The following SECISBP2L variants were observed in gnomAD, a reference collection of about 807,000 sequenced individuals.
SECISBP2L encodes the protein selenocysteine insertion sequence-binding protein 2-like.
In SECISBP2L, 43 loss-of-function variants were observed where a neutral mutation model predicts 114.7. The observed-to-expected ratio is 0.38, with a 90% CI of 0.29 to 0.48. The LOEUF is 0.48. Among genes scored for constraint, SECISBP2L ranks in the 20% least tolerant of loss-of-function variants. The pLI is 0.98. For synonymous variants in SECISBP2L, 451 were observed against 439.7 expected, an observed-to-expected ratio of 1.03 and a Z score of -0.32; for missense variants, 1,136 against 1,301.1, an observed-to-expected ratio of 0.87 and a Z score of 1.95.
At chr15:49,004,275 C>T (rs540515659) in intron 14 of SECISBP2L, among the ~76,000 whole-genome samples, 10 of 152,240 alleles carry the variant, frequency 6.6e-5, no homozygotes, top group African/African-American at 2.4e-4. Flanking sequence ...TCTGTGGGAT[C>T]AGTTGTGATC....
chr15:49,008,418 CT>C (rs886581517), intron 14 of SECISBP2L, among the ~76,000 whole-genome samples: 2 of 152,264 alleles, frequency 1.3e-5, no homozygotes. Context: ...TTTCTTCATT[CT>C]TTTTTTCCCT....
At chr15:49,034,724 G>C (rs1042227271) in intron 3 of SECISBP2L, among the ~76,000 whole-genome samples, 1 of 145,320 alleles carries the variant, frequency 6.9e-6, no homozygotes, top group Non-Finnish European at 1.5e-5. Context: ...GAGTGTAGTG[G>C]TGCTATCTCA....
At chr15:49,017,040 T>G (rs1481033490) in intron 9 of SECISBP2L, 25 bp from the exon 10 acceptor site, 1 of 1,603,656 alleles carries the variant, frequency 6.2e-7, no homozygotes, top group East Asian at 2.2e-5. Context: ...AAAAACACAT[T>G]TGTTAGTGAT....
At chr15:49,042,648 T>C (rs758613941) in intron 1 of SECISBP2L, 14 of 152,212 alleles carry the variant, frequency 9.2e-5, no homozygotes, top group Non-Finnish European at 1.6e-4. Context: ...CTGGGCCCCA[T>C]AGGTTTTTCA....
chr15:49,023,446 G>T (rs1391088306), intron 7 of SECISBP2L, among the ~76,000 whole-genome samples: 1 of 152,142 alleles, frequency 6.6e-6, no homozygotes, highest in African/African-American at 2.4e-5. Flanking sequence ...ATGAAACTAG[G>T]CACTTTCCAC....
chr15:49,040,167 T>A (rs1222885680), intron 1 of SECISBP2L, among the ~76,000 whole-genome samples: 1 of 152,206 alleles, frequency 6.6e-6, no homozygotes, highest in Non-Finnish European at 1.5e-5. Flanking sequence ...AAAGGTATTA[T>A]GTATAATTCA....
At chr15:49,025,273 G>T (rs1902717751) in intron 7 of SECISBP2L, among the ~76,000 whole-genome samples, 1 of 152,070 alleles carries the variant, frequency 6.6e-6, no homozygotes, top group Non-Finnish European at 1.5e-5. Context: ...AGGTACATAT[G>T]AAGTACAGGT....
Position 49,012,768 on chromosome 15 carries a change from A to C in SECISBP2L, c.1611T>G (p.Pro537=). The C allele has an allele frequency of 6.2e-7, 1 of 1,613,952 alleles. No individual in the cohort carries two copies. The highest frequency in any genetic ancestry group is 1.3e-5 in the African/African-American group (1 of 75,054). ...FHTKDSTNRK[P]LTKSQPCLTS... ...TCAAACAGGGCTGACTTTTGGTTAA[A>C]GGTTTTCTATTAGTAGAGTCTTTAG... The change falls in exon 12 of 18, where the codon CCT becomes CCG. Residue 537 remains proline (P), a synonymous_variant. Coordinates refer to ENST00000559471, the MANE Select transcript of SECISBP2L (RefSeq NM_001193489.2).
At chr15:49,039,662 G>A (rs1185422967) in intron 1 of SECISBP2L, among the ~76,000 whole-genome samples, 1 of 150,246 alleles carries the variant, frequency 6.7e-6, no homozygotes, top group African/African-American at 2.5e-5. Flanking sequence ...AGCCTCCCAA[G>A]TAGTCAGGAC....
chr15:49,017,665 G>T, intron 8 of SECISBP2L, 37 bp from the exon 9 acceptor site: 1 of 1,441,546 alleles, frequency 6.9e-7, no homozygotes, highest in African/African-American at 1.4e-5. Context: ...AAGAGTTCAA[G>T]GCAAACTCCT....
intron 1 of SECISBP2L, among the ~76,000 whole-genome samples, chr15:49,039,275 T>G (rs1326152518): frequency 1.3e-5 from 2 of 152,124 alleles, no homozygotes; most frequent in Non-Finnish European, 2.9e-5. Flanking sequence ...ATCTTCAAAC[T>G]CTAATGATAC....
Position 49,028,188 on chromosome 15 carries a change from G to C in SECISBP2L, c.895-20C>G. On this transcript the variant is annotated intron_variant, in intron 5 of 17. Coordinates refer to ENST00000559471, the MANE Select transcript of SECISBP2L (RefSeq NM_001193489.2). ...CACATGCTAAAAAAAGAAACAAAAA[G>C]ACAATTATACTCTACTTGAGAACCA... is the stretch of plus-strand genomic sequence containing the variant. 1 of 1,567,558 alleles carries C rather than the reference G, an allele frequency of 6.4e-7. No homozygotes were observed. Among genetic ancestry groups the C allele is most frequent in the East Asian group, 2.3e-5 (1 of 44,078 alleles).
At chr15:49,004,625 C>T (rs550762282) in intron 14 of SECISBP2L, among the ~76,000 whole-genome samples, 5 of 152,288 alleles carry the variant, frequency 3.3e-5, no homozygotes, top group South Asian at 4.1e-4. Context: ...GATTCTAGTA[C>T]GTTGTGTCTT....
At chr15:49,013,950 G>GT (rs1055481804) in intron 11 of SECISBP2L, among the ~76,000 whole-genome samples, 2 of 152,238 alleles carry the variant, frequency 1.3e-5, no homozygotes, top group African/African-American at 4.8e-5. Context: ...AAAAGAAAGG[G>GT]TTTTTTAAAA....
At chr15:49,037,272 C>CAAAAAAAAA (rs147547008) in intron 2 of SECISBP2L, 2 of 75,628 alleles carry the variant, frequency 2.6e-5, no homozygotes, top group African/African-American at 6.3e-5. Context: ...TGTTCAATCT[C>CAAAAAAAAA]AAAAAAAAAA....
chr15:49,033,007 G>A lies in SECISBP2L; in HGVS notation c.622C>T (p.Arg208Ter), dbSNP rs764262086. ...KETNAAGPDS[R>*]SKIVLLVDAS... Reference sequence around the variant, plus strand: ...TCTACCAGAAGCACAATTTTTGATCGACTATCAGGACCTGCTGCATTTGTT... The same window carrying A: ...TCTACCAGAAGCACAATTTTTGATCAACTATCAGGACCTGCTGCATTTGTT... The change falls in exon 4 of 18, where the codon CGA becomes TGA. Residue 208 changes from arginine to a stop codon, truncating the protein, a stop_gained. Coordinates refer to ENST00000559471, the MANE Select transcript of SECISBP2L (RefSeq NM_001193489.2). LOFTEE classifies it high-confidence loss of function. 1 of 1,613,720 alleles carries A rather than the reference G, an allele frequency of 6.2e-7. No homozygotes were observed. The highest frequency in any genetic ancestry group is 8.5e-7 in the Non-Finnish European group (1 of 1,179,846).
At position 48,992,854 on chromosome 15, in the gene SECISBP2L, C is replaced by A; in HGVS notation, c.2696G>T (p.Cys899Phe). 6.2e-7 allele frequency: 1 copy of A among 1,614,170 alleles called. No homozygotes were observed. ...GGGTTTTTCAGAAGTGCTGTGCTTA[C>A]AGGATACCTCTTTCTCATTTTCTGA... ...EASENEKEVS[C>F]KHSTSEKPSK... Residue 899 changes from cysteine (C) to phenylalanine (F), a missense_variant, in exon 18 of 18, where the codon TGT becomes TTT. Physicochemically the swap from Cys to Phe is radical, Grantham distance 205. Around this residue, in one of 2 missense-constraint regions of SECISBP2L, gnomAD observed 684 missense variants for 848.7 expected, o/e 0.81. Transcript: ENST00000559471.
In SECISBP2L at chr15:48,992,807, G is replaced by A. The variant is rs1280627107; in HGVS notation, c.2743C>T (p.Pro915Ser). 5 of 1,614,168 alleles carry A rather than the reference G, an allele frequency of 3.1e-6. No homozygotes were observed. In the Admixed American group the frequency reaches 6.7e-5, roughly 22 times the overall value. ...AATGATGGCTGCTTACCAATTGGGG[G>A]TGTGTCAAATGGAAGTTTACTGGGT... ...EKPSKLPFDTPPIGKQPSLVA... is the reference protein window; with the variant it reads ...EKPSKLPFDTSPIGKQPSLVA... Residue 915 changes from proline to serine, a missense_variant, in exon 18 of 18, where the codon CCC becomes TCC. This residue lies in a region of SECISBP2L where 684 missense variants were observed against 848.7 expected (regional missense o/e 0.81). Transcript: ENST00000559471.
intron 7 of SECISBP2L, among the ~76,000 whole-genome samples, chr15:49,021,149 C>T (rs181002864): frequency 6.6e-6 from 1 of 152,258 alleles, no homozygotes; most frequent in East Asian, 1.9e-4. Flanking sequence ...TTCACCCCTT[C>T]TACCACATAA....
Sources: gnomAD v4.1 joint callset for allele counts (sites outside exome capture counted in the v4.1 genomes callset) on GRCh38, gnomAD v4.1.1 for gene constraint, gnomAD v4.1.1 regional missense constraint, MANE v1.5 for transcripts, NCBI Gene and HGNC (gene_info 2026-07-23, HGNC 2026-07-21) for gene names.